The following ZSCAN4 variants were observed in gnomAD, a reference collection of about 807,000 sequenced individuals.
ZSCAN4 encodes zinc finger and SCAN domain-containing protein 4.
In ZSCAN4, 18 loss-of-function variants were observed where a neutral mutation model predicts 18.3. The ratio of observed to expected loss-of-function variants is 0.98; its 90% CI spans 0.68 to 1.46. The LOEUF is 1.46. ZSCAN4 is among the 40% of genes most tolerant of loss of function. The probability of loss-of-function intolerance (pLI) is 0.00; values close to 1 mark genes in which losing one functional copy is unlikely to be tolerated. For missense variants in ZSCAN4, 498 were observed against 511.4 expected (o/e 0.97, Z 0.25); for synonymous variants, 193 against 180.3 (o/e 1.07, Z -0.57).
the ZSCAN4 span, among the ~76,000 whole-genome samples, chr19:57,658,609 A>G: frequency 2.6e-5 from 4 of 152,036 alleles, no homozygotes; most frequent in African/African-American, 7.2e-5. Flanking sequence ...CGAGGCAGGT[A>G]GATCACCTGA....
At chr19:57,654,517 C>G in the ZSCAN4 span, among the ~76,000 whole-genome samples, 4 of 152,128 alleles carry the variant, frequency 2.6e-5, no homozygotes, top group Non-Finnish European at 5.9e-5. Context: ...ACCTCAAACT[C>G]ATTCGTTGGA....
the ZSCAN4 span, among the ~76,000 whole-genome samples, chr19:57,652,161 C>A: frequency 6.6e-6 from 1 of 152,126 alleles, no homozygotes; most frequent in African/African-American, 2.4e-5. Context: ...CTCCTAAAAA[C>A]CCCCTCAAGA....
Position 57,678,157 on chromosome 19 carries a change from T to C in ZSCAN4, c.563-9T>C. 6.2e-7 allele frequency: 1 copy of C among 1,610,518 alleles called. No homozygotes were observed. Among genetic ancestry groups the C allele is most frequent in the Non-Finnish European group, 8.5e-7 (1 of 1,178,118 alleles). On this transcript the variant is annotated splice_polypyrimidine_tract_variant and intron_variant, in intron 4 of 4. Transcript: ENST00000318203. ...TAAGTACAACTTCATTGAGTGTCTA[T>C]TTTCACAGGATATGAAGATGAACAA...
chr19:57,667,747 T>C (rs979495724), upstream of ZSCAN4, among the ~76,000 whole-genome samples: 5 of 152,132 alleles, frequency 3.3e-5, no homozygotes, highest in African/African-American at 1.2e-4. Flanking sequence ...CCCCAAACCT[T>C]TTCCTTACAG....
chr19:57,663,966 A>C (rs1983785082), upstream of ZSCAN4, among the ~76,000 whole-genome samples: 1 of 152,022 alleles, frequency 6.6e-6, no homozygotes, highest in Non-Finnish European at 1.5e-5. Context: ...GTCTCTACTA[A>C]AAACACCAAA....
the ZSCAN4 span, among the ~76,000 whole-genome samples, chr19:57,658,833 CA>C: frequency 0.068 from 4,698 of 68,686 alleles, 48 homozygotes; most frequent in East Asian, 0.1. Context: ...GACTGTGTCT[CA>C]AAAAAAAAAA....
chr19:57,663,192 C>T, the ZSCAN4 span, among the ~76,000 whole-genome samples: 10 of 151,498 alleles, frequency 6.6e-5, no homozygotes, highest in South Asian at 1.0e-3. Context: ...TGTGAGCCAC[C>T]GCACCCGGGA....
At chr19:57,667,286 C>T (rs1395820029), upstream of ZSCAN4, among the ~76,000 whole-genome samples, 1 of 152,174 alleles carries the variant, frequency 6.6e-6, no homozygotes, top group Non-Finnish European at 1.5e-5. Context: ...CCCTTCACTC[C>T]TCCATTAGCC....
exon 4 of ZSCAN4, chr19:57,677,969 G>A: frequency 3.1e-6 from 5 of 1,596,768 alleles, no homozygotes; most frequent in Non-Finnish European, 4.3e-6. Context: ...ATGCCCTTAA[G>A]AGATGTCATT....
chr19:57,676,374 A>G (rs1984188526), exon 3 of ZSCAN4: 1 of 1,614,222 alleles, frequency 6.2e-7, no homozygotes, highest in Non-Finnish European at 8.5e-7. Context: ...GCAACCAGAA[A>G]AGCACAGCAA....
chr19:57,656,783 T>C, the ZSCAN4 span, among the ~76,000 whole-genome samples: 1 of 152,210 alleles, frequency 6.6e-6, no homozygotes. Context: ...TAGGCAAAAG[T>C]TCAAGACCAG....
chr19:57,652,977 C>T, the ZSCAN4 span, among the ~76,000 whole-genome samples: 53 of 152,188 alleles, frequency 3.5e-4, no homozygotes, highest in African/African-American at 1.3e-3. Context: ...CACACTGATG[C>T]TCTCCACCAC....
At chr19:57,652,795 C>G in the ZSCAN4 span, among the ~76,000 whole-genome samples, 1 of 152,218 alleles carries the variant, frequency 6.6e-6, no homozygotes, top group African/African-American at 2.4e-5. Flanking sequence ...TAGCTGACCT[C>G]TTCCAAATTG....
chr19:57,652,587 T>C, the ZSCAN4 span, among the ~76,000 whole-genome samples: 28,183 of 151,840 alleles, frequency 0.19, 3,349 homozygotes, highest in African/African-American at 0.34. Context: ...TCTCCTTTGG[T>C]TCCATCTCCC....
chr19:57,666,052 GTTGTA>G (rs754454406), upstream of ZSCAN4, among the ~76,000 whole-genome samples: 3 of 152,186 alleles, frequency 2.0e-5, no homozygotes, highest in Non-Finnish European at 2.9e-5. Context: ...TGTATTATAA[GTTGTA>G]TTGTATTCAT....
the ZSCAN4 span, among the ~76,000 whole-genome samples, chr19:57,659,814 C>T: frequency 1.3e-5 from 2 of 152,162 alleles, no homozygotes; most frequent in Admixed American, 6.5e-5. Flanking sequence ...CTCTGCTTAC[C>T]TACCCTACAG....
chr19:57,668,255 T>C (rs115386564), upstream of ZSCAN4, among the ~76,000 whole-genome samples: 585 of 150,578 alleles, frequency 3.9e-3, 4 homozygotes, highest in African/African-American at 0.013. Context: ...CAAGAGCCAA[T>C]TTTCCTGTCA....
At chr19:57,673,695 G>A (rs1464849179) in intron 2 of ZSCAN4, among the ~76,000 whole-genome samples, 4 of 151,948 alleles carry the variant, frequency 2.6e-5, no homozygotes, top group African/African-American at 9.7e-5. Context: ...CATGCCCCTG[G>A]CAACCACCCT....
chr19:57,669,943 C>T (rs1314364784), intron 1 of ZSCAN4, among the ~76,000 whole-genome samples: 4 of 152,102 alleles, frequency 2.6e-5, no homozygotes, highest in South Asian at 2.1e-4. Flanking sequence ...TGCTCTGTCT[C>T]CCAGGCTGGA....
Sources: gnomAD v4.1 joint callset for allele counts (sites outside exome capture counted in the v4.1 genomes callset) on GRCh38, gnomAD v4.1.1 for gene constraint, MANE v1.5 for transcripts, NCBI Gene and HGNC (gene_info 2026-07-23, HGNC 2026-07-21) for gene names.